COL7A1: variants seen among roughly 807,000 people sequenced by gnomAD.
COL7A1 encodes collagen type VII alpha 1 chain.
In COL7A1, 296 loss-of-function variants were observed where a neutral mutation model predicts 456.2. The ratio of observed to expected loss-of-function variants is 0.65; its 90% confidence interval spans 0.59 to 0.71. The LOEUF is 0.71. COL7A1 is among the 30% of genes least tolerant of loss of function. The probability of loss-of-function intolerance (pLI) is 0.00; values close to 1 mark genes in which losing one functional copy is unlikely to be tolerated. For missense variants in COL7A1, 3,441 were observed against 4,017.2 expected (o/e 0.86, Z 3.88); for synonymous variants, 1,464 against 1,525.9 (o/e 0.96, Z 0.95).
At position 48,564,667 on chromosome 3, in the gene COL7A1, A is replaced by C. The variant is rs1427946131; in HGVS notation, c.8818+116T>G. ...CGTCTGCCCCAGGTCCCCTACTGCG[A>C]GGGAGCGTCTCCTCCAGGACCCTGA... On this transcript the variant is annotated intron_variant, in intron 118 of 118. Transcript: ENST00000681320. The surrounding 1 kb of genome is among the most constrained non-coding windows in gnomAD (Gnocchi z 6.0). 8.0e-7 allele frequency: 1 copy of C among 1,252,194 alleles called. No homozygotes were observed. The highest frequency in any genetic ancestry group is 1.1e-6 in the Non-Finnish European group (1 of 900,636). 77.6% of individuals were successfully genotyped at this position (1,252,194 alleles called of 1,614,324 possible).
Position 48,572,828 on chromosome 3 carries a change from C to G in COL7A1, c.6831+34G>C, listed in dbSNP as rs754089306. 1.2e-5 allele frequency: 20 copies of G among 1,613,192 alleles called. No individual in the cohort carries two copies. The East Asian group carries it at 4.5e-4, about 36-fold the overall frequency. ...CATATTTCAGGCCCACAGCTGGGCA[C>G]CACACCCTAGCGAGCTGCCCCCAGA... is the stretch of plus-strand genomic sequence containing the variant. On this transcript the variant is annotated intron_variant, in intron 87 of 118. Coordinates refer to ENST00000681320, the MANE Select transcript of COL7A1 (RefSeq NM_000094.4). The surrounding 1 kb of genome is among the most constrained non-coding windows in gnomAD (Gnocchi z 4.6).
At position 48,573,478 on chromosome 3, in the gene COL7A1, G is replaced by A. The variant is rs1359395550; in HGVS notation, c.6618+35C>T. The A allele has an allele frequency of 1.9e-6, 3 of 1,613,968 alleles. No individual in the cohort carries two copies. The Admixed American group carries it at 5.0e-5, about 27-fold the overall frequency. ...CCCCAGGCATGGACACAGCTTGAAG[G>A]AGCCTCCTCCTCCTATCCACACACC... On this transcript the variant is annotated intron_variant, in intron 83 of 118. Transcript: ENST00000681320. This position sits in a 1 kb window ranked among gnomAD's most constrained non-coding sequence, Gnocchi z 5.5.
rs369457758 is a variant in COL7A1, at chr3:48,573,736, G to A, written c.6538-11C>T. 4.3e-5 allele frequency: 70 copies of A among 1,613,462 alleles called. No individual in the cohort carries two copies. Among genetic ancestry groups the A allele is most frequent in the Middle Eastern group, 1.6e-4 (1 of 6,084 alleles). ...GTCTCCATGACCACCCTGTTGTGGCGAAAAAGAGTCTGATGAGGGGGAGTT... is the reference window on the plus strand; with the variant it reads ...GTCTCCATGACCACCCTGTTGTGGCAAAAAAGAGTCTGATGAGGGGGAGTT... On this transcript the variant is annotated splice_polypyrimidine_tract_variant and intron_variant, in intron 81 of 118. Transcript: ENST00000681320. The surrounding 1 kb of genome is among the most constrained non-coding windows in gnomAD (Gnocchi z 5.5).
In COL7A1 at chr3:48,581,329, C is replaced by T. The variant is rs2107711746; in HGVS notation, c.4830G>A (p.Gly1610=). 1.2e-6 allele frequency: 2 copies of T among 1,613,556 alleles called. No individual in the cohort carries two copies. The highest frequency in any genetic ancestry group is 1.7e-6 in the Non-Finnish European group (2 of 1,179,920). The part of the protein sequence containing the change: ...TGRAGPPGDS[G]PPGEKGDPGR... ...CAGGGTCTCCCTTCTCTCCAGGAGG[C>T]CCTGAGTCACCCTGTGGAGGAGGCA... The change falls in exon 52 of 119, where the codon GGG becomes GGA. Residue 1610 remains glycine, a synonymous_variant. Transcript: ENST00000681320. The surrounding 1 kb of genome is among the most constrained non-coding windows in gnomAD (Gnocchi z 5.8).
In COL7A1 at chr3:48,572,465, G is replaced by A. The variant is rs1296854868; in HGVS notation, c.6936+38C>T. 6.2e-7 allele frequency: 1 copy of A among 1,613,552 alleles called. No homozygotes were observed. The highest frequency in any genetic ancestry group is 8.5e-7 in the Non-Finnish European group (1 of 1,179,872). ...CAGTGGGATTCCTTGGCCCCCACCA[G>A]TTGACCCCCCCTCACTGGCAGCCCC... On this transcript the variant is annotated intron_variant, in intron 89 of 118. Coordinates refer to ENST00000681320, the MANE Select transcript of COL7A1 (RefSeq NM_000094.4). The surrounding 1 kb of genome is among the most constrained non-coding windows in gnomAD (Gnocchi z 4.6).
chr3:48,587,385 C>T lies in COL7A1; in HGVS notation c.2992+35G>A. 1 of 1,613,108 alleles carries T rather than the reference C, an allele frequency of 6.2e-7. No homozygotes were observed. The highest frequency in any genetic ancestry group is 8.5e-7 in the Non-Finnish European group (1 of 1,179,974). On this transcript the variant is annotated intron_variant, in intron 23 of 118. Transcript: ENST00000681320. The surrounding 1 kb of genome is among the most constrained non-coding windows in gnomAD (Gnocchi z 6.1). Reference sequence around the variant, plus strand: ...AAAAGCTGTCTCCACAGAGCCCCAACTGCCAGCCCACCCAAATCCTGGCCT... The same window carrying T: ...AAAAGCTGTCTCCACAGAGCCCCAATTGCCAGCCCACCCAAATCCTGGCCT...
chr3:48,569,418 C>G lies in COL7A1; in HGVS notation c.7643G>C (p.Gly2548Ala). Residue 2548 changes from glycine (G) to alanine (A), a missense_variant, in exon 103 of 119, where the codon GGT (glycine) becomes GCT (alanine). Coordinates refer to ENST00000681320, the MANE Select transcript of COL7A1 (RefSeq NM_000094.4). The surrounding 1 kb of genome is among the most constrained non-coding windows in gnomAD (Gnocchi z 4.9). The part of the protein sequence containing the change: ...MGERGPRGLD[G>A]DKGPRGDNGD... ...ATTGTCTCCCCGAGGTCCTTTGTCA[C>G]CATCCAAGCCCCGAGGCCCTCGTTC... The G allele has an allele frequency of 6.2e-7, 1 of 1,614,136 alleles. No homozygotes were observed. Among genetic ancestry groups the G allele is most frequent in the Non-Finnish European group, 8.5e-7 (1 of 1,180,000 alleles).
chr3:48,577,146 G>A (rs2044367630), intron 65 of COL7A1, 119 bp from the exon 66 acceptor site: 3 of 1,387,056 alleles, frequency 2.2e-6, no homozygotes, highest in Non-Finnish European at 1.0e-6. Flanking sequence ...CCATGGTTGT[G>A]TGTGTCTTGG....
Position 48,565,491 on chromosome 3 carries a change from GGGGTCCTGGAGCCAAGAGCA to G in COL7A1, c.8441-15_8445del. Reference sequence around the variant, plus strand: ...GCAGTGTCTGCAGCATAACTAGGGAGGGGTCCTGGAGCCAAGAGCAGGGGCCTCAGGGCCCTGAAGTCACC... The same window carrying G: ...GCAGTGTCTGCAGCATAACTAGGGAGGGGGCCTCAGGGCCCTGAAGTCACC... On this transcript the variant is annotated splice_acceptor_variant and splice_polypyrimidine_tract_variant and coding_sequence_variant and intron_variant, in exon 116 of 119. Transcript: ENST00000681320. LOFTEE classifies it high-confidence loss of function. This position sits in a 1 kb window ranked among gnomAD's most constrained non-coding sequence, Gnocchi z 4.5. 4.3e-6 allele frequency: 7 copies of G among 1,613,638 alleles called. No homozygotes were observed. The highest frequency in any genetic ancestry group is 5.9e-6 in the Non-Finnish European group (7 of 1,179,756).
rs1359605014 is a variant in COL7A1, at chr3:48,588,959, A to G, written c.2351T>C (p.Ile784Thr). The G allele has an allele frequency of 6.2e-7, 1 of 1,613,428 alleles. No homozygotes were observed. The highest frequency in any genetic ancestry group is 1.1e-5 in the South Asian group (1 of 91,086). ...TAGAACGTCGCTGGAAGCATTGAGG[A>G]TCTGCAGCCTCGACACACGACCCAC... ...EPVGRVSRLQ[I>T]LNASSDVLRI... Residue 784 changes from isoleucine (I) to threonine (T), a missense_variant, in exon 19 of 119, where the codon ATC (isoleucine) becomes ACC (threonine). By Grantham distance (89) the Ile-to-Thr change is moderately conservative. Around this residue, in one of 3 missense-constraint regions of COL7A1, gnomAD observed 913 missense variants for 1,088.2 expected, o/e 0.84. Coordinates refer to ENST00000681320, the MANE Select transcript of COL7A1 (RefSeq NM_000094.4). This position sits in a 1 kb window ranked among gnomAD's most constrained non-coding sequence, Gnocchi z 4.6.
chr3:48,585,504 C>A lies in COL7A1; in HGVS notation c.3894+53G>T. 3.8e-6 allele frequency: 6 copies of A among 1,581,408 alleles called. No individual in the cohort carries two copies. The highest frequency in any genetic ancestry group is 2.2e-5 in the South Asian group (2 of 90,448). The stretch of plus-strand genomic sequence containing the variant: ...TCTTCCTTCTCTCTTGTAAAAACCC[C>A]GAGACAGCTTTGAGGAGTGCCTCAG... On this transcript the variant is annotated intron_variant, in intron 32 of 118. Coordinates refer to ENST00000681320, the MANE Select transcript of COL7A1 (RefSeq NM_000094.4). The surrounding 1 kb of genome is among the most constrained non-coding windows in gnomAD (Gnocchi z 4.5).
rs764992328 is a variant in COL7A1, at chr3:48,576,240, C to T, written c.5820+9G>A. The T allele has an allele frequency of 6.2e-7, 1 of 1,613,650 alleles. No individual in the cohort carries two copies. On this transcript the variant is annotated intron_variant, in intron 71 of 118. Coordinates refer to ENST00000681320, the MANE Select transcript of COL7A1 (RefSeq NM_000094.4). ...ACAGAGTCAAGGGGACATCCCAAGC[C>T]TGGCTCACCGGCACACTTCCAGGCT...
chr3:48,580,674 A>T lies in COL7A1; in HGVS notation c.4981-22T>A, dbSNP rs2044686927. 6.2e-7 allele frequency: 1 copy of T among 1,613,146 alleles called. No individual in the cohort carries two copies. Among genetic ancestry groups the T allele is most frequent in the Non-Finnish European group, 8.5e-7 (1 of 1,179,594 alleles). ...CCCCCTAAGAAGAGCAGCTGGCCTG[A>T]GACAGACCCTCCCAATATTTTGCAG... is the stretch of plus-strand genomic sequence containing the variant. On this transcript the variant is annotated intron_variant, in intron 54 of 118. Transcript: ENST00000681320. This position sits in a 1 kb window ranked among gnomAD's most constrained non-coding sequence, Gnocchi z 4.5.
In COL7A1 at chr3:48,570,964, T is replaced by C. The variant is rs2107649138; in HGVS notation, c.7169A>G (p.Asp2390Gly). 3 of 1,613,222 alleles carry C rather than the reference T, an allele frequency of 1.9e-6. No individual in the cohort carries two copies. Among genetic ancestry groups the C allele is most frequent in the Admixed American group, 1.7e-5 (1 of 59,912 alleles). Residue 2390 changes from aspartate (D) to glycine (G), a missense_variant, in exon 95 of 119, where the codon GAT (aspartate) becomes GGT (glycine). Coordinates refer to ENST00000681320, the MANE Select transcript of COL7A1 (RefSeq NM_000094.4). This position sits in a 1 kb window ranked among gnomAD's most constrained non-coding sequence, Gnocchi z 5.5. ...GPPGPPGVKGDLGLPGLPGAP... is the reference protein window; with the variant it reads ...GPPGPPGVKGGLGLPGLPGAP... ...ACCGGGCAGGCCAGGGAGGCCCAGATCTCCCTGAAATAAAAACAGCAAAGG... is the reference window on the plus strand; with the variant it reads ...ACCGGGCAGGCCAGGGAGGCCCAGACCTCCCTGAAATAAAAACAGCAAAGG...
rs751956535 is a variant in COL7A1, at chr3:48,586,336, A to G, written c.3546T>C (p.Ala1182=). 8 of 1,613,742 alleles carry G rather than the reference A, an allele frequency of 5.0e-6. No homozygotes were observed. Among genetic ancestry groups the G allele is most frequent in the Non-Finnish European group, 6.8e-6 (8 of 1,179,970 alleles). The part of the protein sequence containing the change: ...DIFSPIREAQ[A]SGLNVVMLGM... ...CCCCATCAGCCTACTCCTTACCAGA[A>G]GCCTGGGCCTCACGGATGGGGCTGA... Residue 1182 remains alanine, a synonymous_variant, in exon 27 of 119, where the codon GCT becomes GCC. Transcript: ENST00000681320. The surrounding 1 kb of genome is among the most constrained non-coding windows in gnomAD (Gnocchi z 5.1).
chr3:48,572,893 T>C lies in COL7A1; in HGVS notation c.6800A>G (p.Lys2267Arg), dbSNP rs574558938. 357 of 1,613,846 alleles carry C rather than the reference T, an allele frequency of 2.2e-4. 4 individuals are homozygous for C. The South Asian group carries it at 3.8e-3, about 17-fold the overall frequency. ...GAPGRDGASG[K>R]DGDRGSPGVP... ...ACCAGGGCTCCCTCTGTCTCCATCT[T>C]TTCCACTGGCACCATCTCGACCTGG... Residue 2267 changes from lysine to arginine, a missense_variant, in exon 87 of 119, where the codon AAA (lysine) becomes AGA (arginine). Physicochemically the swap from Lys to Arg is conservative, Grantham distance 26 (BLOSUM62 2). Around this residue, in one of 3 missense-constraint regions of COL7A1, gnomAD observed 2,084 missense variants for 2,501.3 expected, o/e 0.83. Transcript: ENST00000681320. The surrounding 1 kb of genome is among the most constrained non-coding windows in gnomAD (Gnocchi z 4.6).
At position 48,576,935 on chromosome 3, in the gene COL7A1, A is replaced by T; in HGVS notation, c.5569-16T>A. On this transcript the variant is annotated splice_polypyrimidine_tract_variant and intron_variant, in intron 66 of 118. Coordinates refer to ENST00000681320, the MANE Select transcript of COL7A1 (RefSeq NM_000094.4). Reference sequence around the variant, plus strand: ...CTTTCTCTCCCTAAGGAAGACAAGGATGCTTCAGGCATGGCTCCAAGCAGA... The same window carrying T: ...CTTTCTCTCCCTAAGGAAGACAAGGTTGCTTCAGGCATGGCTCCAAGCAGA... The T allele has an allele frequency of 6.2e-7, 1 of 1,614,038 alleles. No homozygotes were observed. The highest frequency in any genetic ancestry group is 8.5e-7 in the Non-Finnish European group (1 of 1,180,006).
Position 48,593,579 on chromosome 3 carries a change from G to A in COL7A1, c.384C>T (p.Asp128=), listed in dbSNP as rs1029389971. ...RTGAAILHVA[D]HVFLPQLARP... ...GGGCCAGCTGGGGCAGGAAGACATG[G>A]TCAGCCACATGGAGAATTGCAGCCC... The change falls in exon 4 of 119, where the codon GAC becomes GAT. Residue 128 remains aspartate (D), a synonymous_variant. Transcript: ENST00000681320. This position sits in a 1 kb window ranked among gnomAD's most constrained non-coding sequence, Gnocchi z 4.4. The A allele has an allele frequency of 6.2e-7, 1 of 1,614,218 alleles. No individual in the cohort carries two copies. The highest frequency in any genetic ancestry group is 8.5e-7 in the Non-Finnish European group (1 of 1,180,034).
chr3:48,577,337 A>C (rs1370027759), intron 65 of COL7A1, among the ~76,000 whole-genome samples: 4 of 152,188 alleles, frequency 2.6e-5, no homozygotes, highest in Non-Finnish European at 5.9e-5. Flanking sequence ...GTGCATATCC[A>C]TGTGTGTCTT....
Sources: allele counts gnomAD v4.1 joint callset (sites outside exome capture counted in the v4.1 genomes callset), GRCh38; gene constraint gnomAD v4.1.1; regional missense constraint gnomAD v4.1.1; non-coding constraint Gnocchi (gnomAD v3.1); transcripts MANE v1.5; gene names NCBI Gene and HGNC (gene_info 2026-07-23, HGNC 2026-07-21).